The following PAM variants were observed in gnomAD, a reference collection of about 807,000 sequenced individuals.
The protein encoded by PAM is peptidylglycine alpha-amidating monooxygenase.
A neutral mutation model predicts 122.1 loss-of-function variants in PAM; 72 were observed. The ratio of observed to expected loss-of-function variants is 0.59; its 90% CI spans 0.49 to 0.72. The LOEUF is 0.72. Ranked by LOEUF, PAM falls within the 30% of genes least tolerant of loss-of-function variation. PAM has a pLI of 0.00. For missense variants in PAM, 1,106 were observed against 1,183.7 expected (o/e 0.93, Z 0.96); for synonymous variants, 389 against 404.4 (o/e 0.96, Z 0.46).
intron 1 of PAM, among the ~76,000 whole-genome samples, chr5:102,763,385 C>T (rs1011634240): frequency 6.6e-6 from 1 of 152,128 alleles, no homozygotes; most frequent in African/African-American, 2.4e-5. Context: ...GTACCTAGCA[C>T]TGTTCTTGAC....
intron 4 of PAM, among the ~76,000 whole-genome samples, chr5:102,913,090 G>C (rs1026029440): frequency 3.3e-5 from 5 of 151,942 alleles, no homozygotes; most frequent in Admixed American, 3.3e-4. Context: ...TGAGATTTAA[G>C]ATCATTTTGG....
intron 1 of PAM, among the ~76,000 whole-genome samples, chr5:102,859,185 A>G (rs569749803): frequency 1.3e-5 from 2 of 152,210 alleles, no homozygotes; most frequent in African/African-American, 4.8e-5. Flanking sequence ...AAACAGCCTC[A>G]GGCAGGTTTT....
rs146230621 is a variant in PAM, at chr5:102,946,547, C to T, written c.527-290C>T. On this transcript the variant is annotated intron_variant, in intron 7 of 25. Transcript: ENST00000438793. ...GATAATGCATAGAGAGTATTAACAA[C>T]TTTCTAGTATCTAGTATGTCTGCAG... Among the ~76,000 whole-genome samples, 216 of 148,352 alleles carry T rather than the reference C, an allele frequency of 1.5e-3. 2 individuals carry two copies. The highest frequency in any genetic ancestry group is 5.0e-3 in the African/African-American group (198 of 39,988).
chr5:102,916,654 A>G (rs892310519), intron 5 of PAM, among the ~76,000 whole-genome samples: 6 of 147,088 alleles, frequency 4.1e-5, no homozygotes, highest in Admixed American at 2.0e-4. Flanking sequence ...ATTCCTTTAT[A>G]TATATATAAA....
At chr5:102,877,148 A>C (rs975911735) in intron 3 of PAM, among the ~76,000 whole-genome samples, 3 of 152,236 alleles carry the variant, frequency 2.0e-5, no homozygotes, top group African/African-American at 4.8e-5. Flanking sequence ...CATCTGTAAA[A>C]TTGGGATAAT....
chr5:102,827,669 T>TAGCATTAAAAACCACTCTTGGAC (rs1580633505), intron 1 of PAM, among the ~76,000 whole-genome samples: 6 of 52,954 alleles, frequency 1.1e-4, no homozygotes, highest in South Asian at 7.1e-4. Context: ...ACTATGATTT[T>TAGCATTAAAAACCACTCTTGGAC]TTTTTTTTTT....
At position 102,974,271 on chromosome 5, in the gene PAM, G is replaced by A; in HGVS notation, c.1318G>A (p.Ala440Thr). Reference protein sequence around the residue: ...VQKKDLGRSDAREGAEHERGN... With the variant: ...VQKKDLGRSDTREGAEHERGN... ...AAAAAAGGATCTTGGTCGATCTGAT[G>A]CCAGAGAGGGTGCAGAACATGAGAG... is the stretch of plus-strand genomic sequence containing the variant. Residue 440 changes from alanine (A) to threonine (T), a missense_variant, in exon 15 of 26, where the codon GCC becomes ACC. Coordinates refer to ENST00000438793, the MANE Select transcript of PAM (RefSeq NM_001177306.2). 1 of 1,614,074 alleles carries A rather than the reference G, an allele frequency of 6.2e-7. No homozygotes were observed. Among genetic ancestry groups the A allele is most frequent in the South Asian group, 1.1e-5 (1 of 91,072 alleles).
At chr5:102,809,183 C>T (rs1767110418) in intron 1 of PAM, among the ~76,000 whole-genome samples, 1 of 151,902 alleles carries the variant, frequency 6.6e-6, no homozygotes. Context: ...ATTTCTTCTT[C>T]TTGATTCCCA....
chr5:102,857,812 A>G (rs190410762), intron 1 of PAM, among the ~76,000 whole-genome samples: 3 of 152,350 alleles, frequency 2.0e-5, no homozygotes, highest in East Asian at 3.9e-4. Context: ...TAATTGCTCA[A>G]TAAACATGAG....
In PAM at chr5:102,766,926, A is replaced by ATT; in HGVS notation, c.-374+11608_-374+11609dup. Among the ~76,000 whole-genome samples, 219 of 25,820 alleles carry ATT rather than the reference A, an allele frequency of 8.5e-3. 73 individuals carry two copies. Among genetic ancestry groups the ATT allele is most frequent in the African/African-American group, 0.021 (154 of 7,348 alleles). The allele number at this position is 25,820 out of a possible 152,430, so 16.9% of individuals were successfully genotyped here. ...ATTTATTTTATTGCTTCAGTTGTGGATTTTTTTTTTTTTTTTTTTTTTTTT... is the reference window on the plus strand; with the variant it reads ...ATTTATTTTATTGCTTCAGTTGTGGATTTTTTTTTTTTTTTTTTTTTTTTTTT... On this transcript the variant is annotated intron_variant, in intron 1 of 25. Coordinates refer to ENST00000438793, the MANE Select transcript of PAM (RefSeq NM_001177306.2).
At chr5:103,021,613 T>C (rs1210166295) in intron 23 of PAM, among the ~76,000 whole-genome samples, 2 of 152,198 alleles carry the variant, frequency 1.3e-5, no homozygotes, top group Non-Finnish European at 2.9e-5. Context: ...GTAAATTTTA[T>C]TGAAATGTCT....
intron 21 of PAM, among the ~76,000 whole-genome samples, chr5:103,013,325 A>AT (rs1409926127): frequency 6.6e-6 from 1 of 152,074 alleles, no homozygotes; most frequent in Non-Finnish European, 1.5e-5. Context: ...ATTTTTGGCT[A>AT]TTGTAAATAG....
In PAM at chr5:103,007,006, G is replaced by A. The variant is rs1779164257; in HGVS notation, c.2009G>A (p.Gly670Glu). The change falls in exon 19 of 26, where the codon GGA (glycine) becomes GAA (glutamate). Residue 670 changes from glycine (G) to glutamate (E), a missense_variant. Coordinates refer to ENST00000438793, the MANE Select transcript of PAM (RefSeq NM_001177306.2). ...SPSGKFITQW[G>E]EESSGSSPLP... ...AGTGGAAAGTTCATCACACAGTGGG[G>A]AGAAGGTACCCAATAAGACTCTTAA... The A allele has an allele frequency of 1.2e-6, 2 of 1,606,708 alleles. No individual in the cohort carries two copies. Among genetic ancestry groups the A allele is most frequent in the South Asian group, 1.1e-5 (1 of 90,642 alleles).
At chr5:102,778,073 T>C (rs985502721) in intron 1 of PAM, among the ~76,000 whole-genome samples, 4 of 152,140 alleles carry the variant, frequency 2.6e-5, no homozygotes, top group Admixed American at 6.5e-5. Context: ...AAGCACCTCT[T>C]GGACCCCTGT....
At chr5:102,789,079 C>T (rs1011431261) in intron 1 of PAM, among the ~76,000 whole-genome samples, 9 of 152,024 alleles carry the variant, frequency 5.9e-5, no homozygotes, top group African/African-American at 1.2e-4. Flanking sequence ...GGAGTTATAC[C>T]TTACGTCATA....
At chr5:102,856,432 C>G (rs1176227310) in intron 1 of PAM, among the ~76,000 whole-genome samples, 1 of 152,196 alleles carries the variant, frequency 6.6e-6, no homozygotes, top group Non-Finnish European at 1.5e-5. Flanking sequence ...GTTCACCCAT[C>G]TCTTGAGAAC....
intron 3 of PAM, among the ~76,000 whole-genome samples, chr5:102,877,674 AAG>A (rs1422230133): frequency 2.0e-5 from 3 of 152,194 alleles, no homozygotes; most frequent in Admixed American, 6.6e-5. Context: ...ACAATTTGCT[AAG>A]AGAGAAAAAT....
chr5:103,003,124 G>C lies in PAM; in HGVS notation c.1705G>C (p.Val569Leu). 1 of 1,557,294 alleles carries C rather than the reference G, an allele frequency of 6.4e-7. No individual in the cohort carries two copies. Among genetic ancestry groups the C allele is most frequent in the Non-Finnish European group, 8.9e-7 (1 of 1,128,170 alleles). ...TGTCATAGATCCAAATAATGCTGCA[G>C]TACTCCAGTCCAGTGGAAAAAATCT... is the stretch of plus-strand genomic sequence containing the variant. ...ILVIDPNNAAVLQSSGKNLFY... is the reference protein window; with the variant it reads ...ILVIDPNNAALLQSSGKNLFY... Residue 569 changes from valine to leucine, a missense_variant, in exon 17 of 26, where the codon GTA (valine) becomes CTA (leucine). Around this residue, in one of 3 missense-constraint regions of PAM, gnomAD observed 103 missense variants for 157.9 expected, o/e 0.65. Coordinates refer to ENST00000438793, the MANE Select transcript of PAM (RefSeq NM_001177306.2).
chr5:102,758,041 CA>C (rs3072349), intron 1 of PAM, among the ~76,000 whole-genome samples: 48 of 94,642 alleles, frequency 5.1e-4, no homozygotes, highest in Non-Finnish European at 8.1e-4. Flanking sequence ...GGCCCTGTCT[CA>C]AAAAAAAAAA....
Sources: gnomAD v4.1 joint callset for allele counts (sites outside exome capture counted in the v4.1 genomes callset) on GRCh38, gnomAD v4.1.1 for gene constraint, gnomAD v4.1.1 regional missense constraint, MANE v1.5 for transcripts, NCBI Gene and HGNC (gene_info 2026-07-23, HGNC 2026-07-21) for gene names.